The following CACNA2D1 variants were observed in gnomAD, a reference collection of about 807,000 sequenced individuals.
The protein encoded by CACNA2D1 is calcium voltage-gated channel auxiliary subunit alpha2delta 1.
Under a neutral mutation model 171.5 loss-of-function variants are expected in CACNA2D1, and 53 were observed. That is an observed-to-expected ratio of 0.31 (90% CI 0.25 to 0.39). CACNA2D1 has a LOEUF of 0.39. Among genes scored for constraint, CACNA2D1 ranks in the 10% least tolerant of loss-of-function variants. The pLI is 1.00. For synonymous variants in CACNA2D1, 442 were observed against 443.1 expected (o/e 1.00, Z 0.03); for missense variants, 903 against 1,299.8 (o/e 0.69, Z 4.69).
At chr7:81,957,743 A>AAGCTAC (rs1456830780) in intron 38 of CACNA2D1, among the ~76,000 whole-genome samples, 2 of 152,172 alleles carry the variant, frequency 1.3e-5, no homozygotes, top group Admixed American at 1.3e-4. Flanking sequence ...TTAGCACACC[A>AAGCTAC]AGCTACTGAG....
chr7:82,379,067 G>A (rs1823373447), intron 1 of CACNA2D1, among the ~76,000 whole-genome samples: 1 of 151,746 alleles, frequency 6.6e-6, no homozygotes, highest in African/African-American at 2.4e-5. Context: ...AATTATATCT[G>A]TCTCTGTTAA....
In CACNA2D1 at chr7:82,207,652, T is replaced by G. The variant is rs547243766; in HGVS notation, c.295-37043A>C. Among the ~76,000 whole-genome samples, 15 of 152,254 alleles carry G rather than the reference T, an allele frequency of 9.9e-5. No homozygotes were observed. In the South Asian group the frequency reaches 3.1e-3, roughly 32 times the overall value. On this transcript the variant is annotated intron_variant, in intron 3 of 38. Transcript: ENST00000356860. ...CTTTGACCCTGTGCTACGGCCTTAA[T>G]GAGGCCACATAGTCACCTGCTGGTA...
intron 3 of CACNA2D1, among the ~76,000 whole-genome samples, chr7:82,239,163 T>C (rs890605434): frequency 1.3e-5 from 2 of 152,114 alleles, no homozygotes; most frequent in African/African-American, 2.4e-5. Flanking sequence ...AATATTATTT[T>C]AGAAATACTA....
At chr7:82,095,132 C>T (rs1811701599) in intron 6 of CACNA2D1, among the ~76,000 whole-genome samples, 1 of 152,118 alleles carries the variant, frequency 6.6e-6, no homozygotes, top group Non-Finnish European at 1.5e-5. Context: ...GCAAAGTTTA[C>T]TCCTGCCTCA....
chr7:82,060,415 A>G lies in CACNA2D1; in HGVS notation c.879+13T>C, dbSNP rs1806720453. The G allele has an allele frequency of 5.2e-6, 8 of 1,552,270 alleles. No individual in the cohort carries two copies. In the South Asian group the frequency reaches 5.6e-5, roughly 11 times the overall value. On this transcript the variant is annotated intron_variant, in intron 10 of 38. Transcript: ENST00000356860. ...AAATTTAATTCAGGAAAATGCAGTC[A>G]TCTTATACTTACTGAAGCTACATTC...
At chr7:82,226,029 AT>A (rs759010323) in intron 3 of CACNA2D1, among the ~76,000 whole-genome samples, 4 of 150,208 alleles carry the variant, frequency 2.7e-5, no homozygotes, top group Admixed American at 1.3e-4. Context: ...TATTTTAATT[AT>A]TTTTTTTGAA....
chr7:82,078,856 C>T (rs1809331874), intron 7 of CACNA2D1, among the ~76,000 whole-genome samples: 2 of 151,806 alleles, frequency 1.3e-5, no homozygotes, highest in Admixed American at 1.3e-4. Flanking sequence ...GTCTACCTGC[C>T]TTCCAAGAAG....
chr7:81,968,058 G>A (rs1794896073), intron 29 of CACNA2D1, among the ~76,000 whole-genome samples: 1 of 151,324 alleles, frequency 6.6e-6, no homozygotes, highest in Non-Finnish European at 1.5e-5. Flanking sequence ...TGGGTTAGTA[G>A]GAGAGTGGGT....
chr7:82,074,791 T>A lies in CACNA2D1; in HGVS notation c.659-8267A>T, dbSNP rs181679219. Reference sequence around the variant, plus strand: ...TTTAATTTTGTTTCTGGGCAGTGAGTCTCGGTATTTAGGATATTCAGATCA... The same window carrying A: ...TTTAATTTTGTTTCTGGGCAGTGAGACTCGGTATTTAGGATATTCAGATCA... On this transcript the variant is annotated intron_variant, in intron 7 of 38. Coordinates refer to ENST00000356860, the MANE Select transcript of CACNA2D1 (RefSeq NM_000722.4). Among the ~76,000 whole-genome samples, 378 of 152,218 alleles carry A rather than the reference T, an allele frequency of 2.5e-3. 2 individuals are homozygous for A. The highest frequency in any genetic ancestry group is 8.3e-3 in the African/African-American group (345 of 41,534).
At chr7:82,406,227 A>AT (rs1289099101) in intron 1 of CACNA2D1, among the ~76,000 whole-genome samples, 1 of 152,080 alleles carries the variant, frequency 6.6e-6, no homozygotes, top group Non-Finnish European at 1.5e-5. Flanking sequence ...TGAACTCATC[A>AT]TTTTTTATGG....
At chr7:81,997,974 TAAAG>T (rs1798219489) in intron 18 of CACNA2D1, among the ~76,000 whole-genome samples, 2 of 151,902 alleles carry the variant, frequency 1.3e-5, no homozygotes, top group South Asian at 4.1e-4. Context: ...TGTATAATAA[TAAAG>T]AAAGAACACT....
intron 24 of CACNA2D1, among the ~76,000 whole-genome samples, chr7:81,978,921 T>A (rs79068262): frequency 0.092 from 14,004 of 151,806 alleles, 679 homozygotes; most frequent in Middle Eastern, 0.2. Flanking sequence ...CTCTCCCTTC[T>A]CAAGTACTTT....
intron 1 of CACNA2D1, among the ~76,000 whole-genome samples, chr7:82,403,402 A>C (rs1386327668): frequency 6.6e-6 from 1 of 152,170 alleles, no homozygotes; most frequent in African/African-American, 2.4e-5. Flanking sequence ...GTCGGTTGTA[A>C]AGTCTCTAAA....
At chr7:82,397,091 G>A (rs966440910) in intron 1 of CACNA2D1, among the ~76,000 whole-genome samples, 2 of 151,936 alleles carry the variant, frequency 1.3e-5, no homozygotes, top group Non-Finnish European at 2.9e-5. Flanking sequence ...ATTCCACACC[G>A]AGTACCAACC....
chr7:82,303,796 A>G (rs1267075794), intron 3 of CACNA2D1, among the ~76,000 whole-genome samples: 6 of 152,160 alleles, frequency 3.9e-5, no homozygotes, highest in African/African-American at 7.2e-5. Context: ...ACTTCAGTAC[A>G]TTGGTCTAGG....
At chr7:82,177,583 A>T (rs919335958) in intron 3 of CACNA2D1, among the ~76,000 whole-genome samples, 5 of 148,324 alleles carry the variant, frequency 3.4e-5, no homozygotes, top group African/African-American at 1.2e-4. Flanking sequence ...CCTCAGGGAA[A>T]CTAAGCTGGA....
intron 3 of CACNA2D1, among the ~76,000 whole-genome samples, chr7:82,326,673 T>G (rs1816689781): frequency 9.2e-6 from 1 of 109,052 alleles, no homozygotes; most frequent in African/African-American, 2.9e-5. Flanking sequence ...TCTACCTTGT[T>G]TTTACCCAGA....
intron 4 of CACNA2D1, among the ~76,000 whole-genome samples, chr7:82,142,895 G>A (rs1792562453): frequency 6.6e-6 from 1 of 152,124 alleles, no homozygotes; most frequent in Non-Finnish European, 1.5e-5. Flanking sequence ...CAAATTTTCT[G>A]GAAATACATT....
intron 4 of CACNA2D1, among the ~76,000 whole-genome samples, chr7:82,160,982 A>G (rs753466215): frequency 2.6e-5 from 4 of 152,038 alleles, no homozygotes; most frequent in Non-Finnish European, 4.4e-5. Context: ...TTTACTTAAT[A>G]TATGTTTTAT....
Sources: allele counts gnomAD v4.1 joint callset (sites outside exome capture counted in the v4.1 genomes callset), GRCh38; gene constraint gnomAD v4.1.1; transcripts MANE v1.5; gene names NCBI Gene and HGNC (gene_info 2026-07-23, HGNC 2026-07-21).